Variants in SSPN observed in about 807,000 individuals in gnomAD.
SSPN encodes K-ras oncogene-associated protein.
SSPN carries 15 observed loss-of-function variants against 19.1 expected under a neutral mutation model. The observed-to-expected ratio is 0.78, with a 90% CI of 0.52 to 1.21. SSPN has a LOEUF of 1.21. Ranked by LOEUF, SSPN falls within the 50% of genes most tolerant of loss-of-function variation. The pLI is 0.00. For synonymous variants in SSPN, 147 were observed against 140.3 expected (o/e 1.05, Z -0.34); for missense variants, 291 against 314.0 (o/e 0.93, Z 0.55).
chr12:26,130,821 G>T (rs1429312861), intron 1 of SSPN, among the ~76,000 whole-genome samples: 1 of 151,806 alleles, frequency 6.6e-6, no homozygotes, highest in Non-Finnish European at 1.5e-5. Context: ...TCACCCCATG[G>T]TCAGAAGATG....
intron 1 of SSPN, among the ~76,000 whole-genome samples, chr12:26,208,023 G>C (rs912950865): frequency 4.0e-5 from 6 of 151,112 alleles, no homozygotes; most frequent in Admixed American, 1.3e-4. Context: ...GGTGGTGGGG[G>C]GGGGGGATAT....
intron 1 of SSPN, chr12:26,124,795 G>C (rs1180886406): frequency 1.2e-6 from 2 of 1,613,916 alleles, no homozygotes; most frequent in Admixed American, 3.3e-5. Context: ...ACTGCTGTTC[G>C]TTTCCTCTGT....
intron 1 of SSPN, among the ~76,000 whole-genome samples, chr12:26,201,626 G>A (rs1393206406): frequency 1.3e-5 from 2 of 151,788 alleles, no homozygotes; most frequent in Middle Eastern, 3.4e-3. Flanking sequence ...ATGAGGAGAA[G>A]CAGCAGGTTC....
At chr12:26,146,707 C>A (rs1205346723) in intron 1 of SSPN, among the ~76,000 whole-genome samples, 1 of 151,018 alleles carries the variant, frequency 6.6e-6, no homozygotes, top group Non-Finnish European at 1.5e-5. Context: ...CCTGTAATTT[C>A]AGCTACTTGG....
At chr12:26,124,474 A>T (rs770492170) in intron 1 of SSPN, 2 of 1,573,560 alleles carry the variant, frequency 1.3e-6, no homozygotes, top group Admixed American at 1.7e-5. Flanking sequence ...GGCTCTAATT[A>T]ACTACCCATG....
At chr12:26,209,419 A>G (rs1944961597) in intron 1 of SSPN, among the ~76,000 whole-genome samples, 1 of 152,010 alleles carries the variant, frequency 6.6e-6, no homozygotes, top group African/African-American at 2.4e-5. Flanking sequence ...TTGCTGTCAG[A>G]TGTATATTTA....
chr12:26,178,997 G>A lies in SSPN; in HGVS notation c.-30-45296G>A, dbSNP rs368635873. ...CACCCCACAGCTTACAGTGTAGGAG[G>A]GAACATAATATCCCATGAAGGATGG... On this transcript the variant is annotated intron_variant, in intron 1 of 2. Coordinates refer to the SSPN transcript ENST00000538142. 2.6e-4 allele frequency among the ~76,000 whole-genome samples: 39 copies of A among 152,268 alleles called. 1 individual carries two copies. The highest frequency in any genetic ancestry group is 8.7e-4 in the African/African-American group (36 of 41,556).
intron 1 of SSPN, among the ~76,000 whole-genome samples, chr12:26,143,321 GT>G (rs1480165595): frequency 6.6e-6 from 1 of 151,980 alleles, no homozygotes; most frequent in Non-Finnish European, 1.5e-5. Flanking sequence ...TATTAATAGC[GT>G]GCTTATTATG....
In SSPN at chr12:26,124,455, G is replaced by C. The variant is rs990223225; in HGVS notation, c.-31+2303G>C. On this transcript the variant is annotated intron_variant, in intron 1 of 2. Coordinates refer to the SSPN transcript ENST00000538142. Reference sequence around the variant, plus strand: ...ATATTTGCGGGCAGAGCTTCACTGTGAAATCAATGGCTCTAATTAACTACC... The same window carrying C: ...ATATTTGCGGGCAGAGCTTCACTGTCAAATCAATGGCTCTAATTAACTACC... The C allele has an allele frequency of 6.5e-6, 10 of 1,533,138 alleles. No individual in the cohort carries two copies. The African/African-American group carries it at 1.4e-4, about 21-fold the overall frequency. The allele number at this position is 1,533,138 out of a possible 1,614,324, so 95.0% of individuals were successfully genotyped here.
intron 1 of SSPN, among the ~76,000 whole-genome samples, chr12:26,199,820 C>T (rs1350376766): frequency 6.6e-6 from 1 of 152,194 alleles, no homozygotes; most frequent in Admixed American, 6.5e-5. Context: ...TACGCATTGG[C>T]CTAAAAATAA....
chr12:26,206,624 T>C (rs1029784581), intron 1 of SSPN, among the ~76,000 whole-genome samples: 1 of 152,020 alleles, frequency 6.6e-6, no homozygotes, highest in Non-Finnish European at 1.5e-5. Context: ...ACCACCGGAG[T>C]AGGCTCAATC....
At chr12:26,124,611 C>T (rs1192367294) in intron 1 of SSPN, 6 of 1,613,716 alleles carry the variant, frequency 3.7e-6, no homozygotes, top group Non-Finnish European at 5.1e-6. Flanking sequence ...CATCAGGCAC[C>T]CATTCGGGGA....
At chr12:26,223,747 C>T (rs1945147450) in intron 1 of SSPN, among the ~76,000 whole-genome samples, 1 of 152,134 alleles carries the variant, frequency 6.6e-6, no homozygotes, top group African/African-American at 2.4e-5. Flanking sequence ...CAATATAAAA[C>T]AATTACAGGA....
rs140565901 is a variant in SSPN, at chr12:26,216,265, C to G, written c.280-8028C>G. On this transcript the variant is annotated intron_variant, in intron 1 of 2. Transcript: ENST00000242729. ...TTAGCCTAGTGGTTCTCAAAAGGTT[C>G]ATCCCAGCACCGGCAGCATCAGCAT... 4.4e-3 allele frequency among the ~76,000 whole-genome samples: 669 copies of G among 152,302 alleles called. 3 individuals are homozygous for G. Among genetic ancestry groups the G allele is most frequent in the African/African-American group, 0.015 (641 of 41,556 alleles).
intron 1 of SSPN, chr12:26,124,266 C>T (rs1591839745): frequency 1.6e-6 from 1 of 619,444 alleles, no homozygotes; most frequent in East Asian, 4.6e-5. Context: ...CCCCCCGCCC[C>T]CCCACCATAA....
At chr12:26,138,072 T>G (rs1944439125) in intron 1 of SSPN, among the ~76,000 whole-genome samples, 1 of 152,194 alleles carries the variant, frequency 6.6e-6, no homozygotes, top group African/African-American at 2.4e-5. Context: ...AAGTCCCATG[T>G]AAATAAAGCA....
At chr12:26,192,733 G>T (rs540900545), upstream of SSPN, among the ~76,000 whole-genome samples, 2 of 152,284 alleles carry the variant, frequency 1.3e-5, no homozygotes, top group East Asian at 1.9e-4. Context: ...CAGACTAGAA[G>T]AATTTCAGTG....
chr12:26,201,023 A>ATATATAT, intron 1 of SSPN, among the ~76,000 whole-genome samples: 1 of 33,452 alleles, frequency 3.0e-5, no homozygotes, highest in East Asian at 1.3e-3. Flanking sequence ...ATATATATAT[A>ATATATAT]TATATATATA....
intron 1 of SSPN, among the ~76,000 whole-genome samples, chr12:26,182,983 C>T (rs1944729776): frequency 6.6e-6 from 1 of 152,074 alleles, no homozygotes; most frequent in Non-Finnish European, 1.5e-5. Flanking sequence ...CCAGGCTAGT[C>T]TCAAACTCTT....
Sources: gnomAD v4.1 joint callset for allele counts (sites outside exome capture counted in the v4.1 genomes callset) on GRCh38, gnomAD v4.1.1 for gene constraint, MANE v1.5 for transcripts, NCBI Gene and HGNC (gene_info 2026-07-23, HGNC 2026-07-21) for gene names.